The following SLC35F1 variants were observed in gnomAD, a reference collection of about 807,000 sequenced individuals.
SLC35F1 encodes the protein chromosome 6 open reading frame 169.
SLC35F1 carries 14 observed loss-of-function variants against 48.7 expected under a neutral mutation model. The ratio of observed to expected loss-of-function variants is 0.29; its 90% confidence interval spans 0.19 to 0.45. SLC35F1 has a LOEUF of 0.45. Among genes scored for constraint, SLC35F1 ranks in the 20% least tolerant of loss-of-function variants. SLC35F1 has a pLI of 1.00. For missense variants in SLC35F1, 404 were observed against 500.0 expected, an observed-to-expected ratio of 0.81 and a Z score of 1.83; for synonymous variants, 190 against 202.2, an observed-to-expected ratio of 0.94 and a Z score of 0.51.
chr6:118,117,888 C>T (rs905193656), intron 1 of SLC35F1, among the ~76,000 whole-genome samples: 11 of 152,058 alleles, frequency 7.2e-5, no homozygotes, highest in African/African-American at 2.7e-4. Context: ...TTGATTCATC[C>T]GTGTTGTTGT....
At chr6:117,999,721 A>G (rs1247941322) in intron 1 of SLC35F1, among the ~76,000 whole-genome samples, 1 of 152,072 alleles carries the variant, frequency 6.6e-6, no homozygotes, top group Non-Finnish European at 1.5e-5. Context: ...TAAAGAAGAA[A>G]AGAGAGAAGA....
intron 1 of SLC35F1, among the ~76,000 whole-genome samples, chr6:117,949,520 C>T (rs907208967): frequency 1.3e-5 from 2 of 152,118 alleles, no homozygotes; most frequent in Non-Finnish European, 2.9e-5. Flanking sequence ...GGTAAACCTT[C>T]TGCCAAGGTG....
At chr6:118,132,104 A>G (rs1562299354) in intron 1 of SLC35F1, among the ~76,000 whole-genome samples, 1 of 152,156 alleles carries the variant, frequency 6.6e-6, no homozygotes, top group Non-Finnish European at 1.5e-5. Context: ...CTGTTGTTTC[A>G]AGAAACCGAA....
chr6:118,084,008 G>A (rs1383709274), intron 1 of SLC35F1, among the ~76,000 whole-genome samples: 2 of 152,154 alleles, frequency 1.3e-5, no homozygotes, highest in Admixed American at 1.3e-4. Flanking sequence ...CTTTACATGT[G>A]TATTTTGTTT....
intron 1 of SLC35F1, among the ~76,000 whole-genome samples, chr6:117,957,687 T>G (rs1036072050): frequency 2.0e-5 from 3 of 152,168 alleles, no homozygotes; most frequent in African/African-American, 7.2e-5. Flanking sequence ...GCTGAAAAAT[T>G]TCTATCGCCT....
intron 1 of SLC35F1, among the ~76,000 whole-genome samples, chr6:118,139,359 G>A (rs1197789325): frequency 2.0e-5 from 3 of 152,108 alleles, no homozygotes; most frequent in African/African-American, 4.8e-5. Context: ...TGATCCACCC[G>A]TCTCGGCCTC....
chr6:118,042,904 C>T (rs1772247004), intron 1 of SLC35F1, among the ~76,000 whole-genome samples: 1 of 152,016 alleles, frequency 6.6e-6, no homozygotes, highest in Non-Finnish European at 1.5e-5. Context: ...AAATAGAAAA[C>T]AGAGGTGGAG....
chr6:118,161,755 T>G (rs1321305973), intron 2 of SLC35F1, among the ~76,000 whole-genome samples: 1 of 152,224 alleles, frequency 6.6e-6, no homozygotes, highest in African/African-American at 2.4e-5. Context: ...TTCATGGGAA[T>G]TATGCTTATG....
intron 1 of SLC35F1, among the ~76,000 whole-genome samples, chr6:118,104,447 A>G (rs528966703): frequency 1.0e-3 from 157 of 152,376 alleles, no homozygotes; most frequent in Non-Finnish European, 1.5e-3. Flanking sequence ...CAGATAATAC[A>G]TAAAGCACAG....
intron 2 of SLC35F1, among the ~76,000 whole-genome samples, chr6:118,234,458 C>A (rs971252595): frequency 1.3e-5 from 2 of 152,166 alleles, no homozygotes. Flanking sequence ...CCAATGCCCA[C>A]CCACAGCCAT....
At chr6:118,051,947 A>T (rs112095806) in intron 1 of SLC35F1, among the ~76,000 whole-genome samples, 4,822 of 152,100 alleles carry the variant, frequency 0.032, 270 homozygotes, top group African/African-American at 0.11. Flanking sequence ...CCCTTATAAG[A>T]CCAAGCCCTA....
chr6:118,227,644 T>TGAGCAG lies in SLC35F1; in HGVS notation c.350-7864_350-7859dup, dbSNP rs1323597083. ...TAGGCATTTCTTGAAAAAGGGCAAT[T>TGAGCAG]GAGCAGATTTTAAAGGTCTTACATT... On this transcript the variant is annotated intron_variant, in intron 2 of 7. Coordinates refer to ENST00000360388, the MANE Select transcript of SLC35F1 (RefSeq NM_001029858.4). Among the ~76,000 whole-genome samples, 3 of 146,930 alleles carry TGAGCAG rather than the reference T, an allele frequency of 2.0e-5. No homozygotes were observed. The Admixed American group carries it at 2.1e-4, about 10-fold the overall frequency.
intron 1 of SLC35F1, among the ~76,000 whole-genome samples, chr6:118,061,071 A>G (rs1772529671): frequency 1.3e-5 from 2 of 152,208 alleles, no homozygotes; most frequent in Non-Finnish European, 2.9e-5. Context: ...CTCTTGATAA[A>G]CTTATTGACA....
chr6:118,277,822 G>GA (rs11417772), intron 6 of SLC35F1, among the ~76,000 whole-genome samples: 19,601 of 147,416 alleles, frequency 0.13, 1,605 homozygotes, highest in African/African-American at 0.24. Context: ...AACACCAACA[G>GA]AAAAAAAAAA....
At chr6:118,016,060 A>G (rs1777316780) in intron 1 of SLC35F1, among the ~76,000 whole-genome samples, 1 of 152,186 alleles carries the variant, frequency 6.6e-6, no homozygotes, top group Admixed American at 6.5e-5. Flanking sequence ...GAATGATCAC[A>G]CCTGCTTTTT....
At chr6:118,025,410 C>T (rs1293335632) in intron 1 of SLC35F1, among the ~76,000 whole-genome samples, 2 of 152,098 alleles carry the variant, frequency 1.3e-5, no homozygotes, top group Non-Finnish European at 2.9e-5. Flanking sequence ...TATAACTCAT[C>T]GTCGTTGATA....
intron 2 of SLC35F1, among the ~76,000 whole-genome samples, chr6:118,229,015 C>A (rs554777759): frequency 6.6e-6 from 1 of 151,564 alleles, no homozygotes; most frequent in Non-Finnish European, 1.5e-5. Context: ...ACTCAGACTA[C>A]CCCTGGGGTG....
At chr6:118,208,417 G>A (rs1774964350) in intron 2 of SLC35F1, among the ~76,000 whole-genome samples, 2 of 152,236 alleles carry the variant, frequency 1.3e-5, no homozygotes, top group South Asian at 4.1e-4. Flanking sequence ...AATGACAAAT[G>A]ATTTTCCAAT....
At chr6:118,060,267 C>T in intron 1 of SLC35F1, among the ~76,000 whole-genome samples, 1 of 152,080 alleles carries the variant, frequency 6.6e-6, no homozygotes, top group East Asian at 1.9e-4. Context: ...TAATAATTAT[C>T]AGAGCACTTT....
Sources: allele counts gnomAD v4.1 joint callset (sites outside exome capture counted in the v4.1 genomes callset), GRCh38; gene constraint gnomAD v4.1.1; transcripts MANE v1.5; gene names NCBI Gene and HGNC (gene_info 2026-07-23, HGNC 2026-07-21).